The following RALYL variants were observed in gnomAD, a reference collection of about 807,000 sequenced individuals.
RALYL encodes the protein RNA-binding Raly-like protein.
A neutral mutation model predicts 35.1 loss-of-function variants in RALYL; 29 were observed. The ratio of observed to expected loss-of-function variants is 0.83; its 90% CI spans 0.61 to 1.13. The LOEUF (loss-of-function observed/expected upper bound fraction) is 1.13, where lower values mean the gene tolerates loss of function less well. RALYL is among the 50% of genes most tolerant of loss of function. RALYL has a pLI of 0.00. For missense variants in RALYL, 359 were observed against 360.4 expected (o/e 1.00, Z 0.03); for synonymous variants, 120 against 127.6 (o/e 0.94, Z 0.40).
At chr8:84,862,574 GT>G (rs1838328734) in intron 6 of RALYL, 121 bp downstream of exon 6, 3 of 763,346 alleles carry the variant, frequency 3.9e-6, no homozygotes, top group Non-Finnish European at 5.6e-6. Flanking sequence ...TGTATAAAGT[GT>G]TAGAAAATCA....
chr8:84,890,250 C>T (rs549829794), intron 8 of RALYL, among the ~76,000 whole-genome samples: 1 of 152,222 alleles, frequency 6.6e-6, no homozygotes, highest in African/African-American at 2.4e-5. Context: ...TACCTGAAGA[C>T]TCATCCACTG....
intron 1 of RALYL, among the ~76,000 whole-genome samples, chr8:84,457,405 C>T (rs1313551301): frequency 6.6e-6 from 1 of 151,852 alleles, no homozygotes; most frequent in Non-Finnish European, 1.5e-5. Flanking sequence ...CGTTCTCTAT[C>T]CTTAAATTAA....
chr8:84,318,538 GTGA>G (rs1379196763), intron 1 of RALYL, among the ~76,000 whole-genome samples: 2 of 152,120 alleles, frequency 1.3e-5, no homozygotes, highest in African/African-American at 4.8e-5. Context: ...AAATTATCGT[GTGA>G]TGTTTTTTGT....
chr8:84,230,956 A>G (rs1825201613), intron 1 of RALYL, among the ~76,000 whole-genome samples: 1 of 152,244 alleles, frequency 6.6e-6, no homozygotes, highest in Non-Finnish European at 1.5e-5. Flanking sequence ...TTCAGTTGCC[A>G]CATATGTACG....
chr8:84,727,344 C>A (rs1469855158), intron 2 of RALYL, among the ~76,000 whole-genome samples: 1 of 152,020 alleles, frequency 6.6e-6, no homozygotes, highest in Non-Finnish European at 1.5e-5. Context: ...AAACATTAAA[C>A]CCTGAAGGTA....
rs60246316 is a variant in RALYL, at chr8:84,209,125, CAA to C, written c.-24+24719_-24+24720del. On this transcript the variant is annotated intron_variant, in intron 1 of 8. Transcript: ENST00000521268. ...TTGCATAAACATCCCACTCCTCCAC[CAA>C]AAAAAAAAAAAAAAAAAGAAAAGAA... Among the ~76,000 whole-genome samples, 204 of 97,486 alleles carry C rather than the reference CAA, an allele frequency of 2.1e-3. 1 individual carries two copies. Among genetic ancestry groups the C allele is most frequent in the African/African-American group, 6.7e-3 (175 of 25,968 alleles). The allele number at this position is 97,486 out of a possible 152,430, so 64.0% of individuals were successfully genotyped here.
intron 1 of RALYL, among the ~76,000 whole-genome samples, chr8:84,363,915 T>C (rs1471381019): frequency 6.6e-6 from 1 of 152,178 alleles, no homozygotes; most frequent in Admixed American, 6.5e-5. Flanking sequence ...CTATGTGCAA[T>C]AAAGCTGAGA....
intron 2 of RALYL, among the ~76,000 whole-genome samples, chr8:84,731,620 C>T (rs1289772053): frequency 6.6e-6 from 1 of 152,156 alleles, no homozygotes; most frequent in African/African-American, 2.4e-5. Flanking sequence ...ATCTGGGCTA[C>T]TGCAGTTGCC....
At chr8:84,220,696 T>G (rs1465162422) in intron 1 of RALYL, among the ~76,000 whole-genome samples, 3 of 152,028 alleles carry the variant, frequency 2.0e-5, no homozygotes, top group Non-Finnish European at 4.4e-5. Flanking sequence ...GACACTTTTA[T>G]GAGTTTCTTT....
chr8:84,189,850 G>T (rs16912515), intron 1 of RALYL, among the ~76,000 whole-genome samples: 1 of 152,246 alleles, frequency 6.6e-6, no homozygotes, highest in Non-Finnish European at 1.5e-5. Flanking sequence ...AGTGCTTTGA[G>T]CAGAAACAAA....
chr8:84,765,371 C>A (rs1235035579), intron 2 of RALYL, among the ~76,000 whole-genome samples: 2 of 152,150 alleles, frequency 1.3e-5, no homozygotes, highest in Non-Finnish European at 2.9e-5. Flanking sequence ...TGCTAACTCT[C>A]AGACAGTCCT....
chr8:84,264,249 T>A (rs746233365), intron 1 of RALYL, among the ~76,000 whole-genome samples: 6 of 152,188 alleles, frequency 3.9e-5, no homozygotes, highest in Non-Finnish European at 7.3e-5. Flanking sequence ...AAAGCATTCC[T>A]ATTTCTCCAC....
At chr8:84,838,122 G>A (rs1007944880) in intron 4 of RALYL, among the ~76,000 whole-genome samples, 2 of 152,066 alleles carry the variant, frequency 1.3e-5, no homozygotes, top group Non-Finnish European at 2.9e-5. Context: ...AGGGGTGTGG[G>A]GCAGGGATTT....
intron 8 of RALYL, among the ~76,000 whole-genome samples, chr8:84,905,703 T>TTTTA (rs1432674679): frequency 6.6e-6 from 1 of 151,190 alleles, no homozygotes; most frequent in Non-Finnish European, 1.5e-5. Flanking sequence ...GAATACTATT[T>TTTTA]TTTTTTTTTT....
chr8:84,421,958 T>C (rs1326691828), intron 1 of RALYL, among the ~76,000 whole-genome samples: 2 of 152,144 alleles, frequency 1.3e-5, no homozygotes, highest in Non-Finnish European at 2.9e-5. Flanking sequence ...GCCAGTATTT[T>C]ATTGAGGATT....
chr8:84,430,714 ATTT>A (rs2047055349), intron 1 of RALYL, among the ~76,000 whole-genome samples: 1 of 152,102 alleles, frequency 6.6e-6, no homozygotes, highest in Non-Finnish European at 1.5e-5. Flanking sequence ...TTAACTATTT[ATTT>A]TTAAAACATG....
intron 2 of RALYL, among the ~76,000 whole-genome samples, chr8:84,753,794 G>A (rs550134481): frequency 2.8e-4 from 42 of 152,148 alleles, no homozygotes; most frequent in Admixed American, 2.1e-3. Context: ...CAATTAAACC[G>A]CTTTTCCTTA....
chr8:84,556,353 T>C (rs1025873106), intron 2 of RALYL, among the ~76,000 whole-genome samples: 4 of 152,130 alleles, frequency 2.6e-5, no homozygotes, highest in Non-Finnish European at 5.9e-5. Context: ...GAGATAAGCA[T>C]TATTAATTTA....
chr8:84,827,593 C>G (rs1031119620), intron 4 of RALYL, among the ~76,000 whole-genome samples: 1 of 151,940 alleles, frequency 6.6e-6, no homozygotes, highest in Non-Finnish European at 1.5e-5. Context: ...AAAATCAAAA[C>G]AGGATAGTTA....
Sources: allele counts gnomAD v4.1 joint callset (sites outside exome capture counted in the v4.1 genomes callset), GRCh38; gene constraint gnomAD v4.1.1; transcripts MANE v1.5; gene names NCBI Gene and HGNC (gene_info 2026-07-23, HGNC 2026-07-21).